LRRC37A2: variants seen among roughly 807,000 people sequenced by gnomAD.
The protein encoded by LRRC37A2 is leucine rich repeat containing 37 member A2.
In LRRC37A2, 9 loss-of-function variants were observed where a neutral mutation model predicts 68.8. The ratio of observed to expected loss-of-function variants is 0.13; its 90% CI spans 0.08 to 0.23. The LOEUF (loss-of-function observed/expected upper bound fraction) is 0.23. LRRC37A2 is among the 10% of genes least tolerant of loss of function. The probability of loss-of-function intolerance (pLI) is 1.00; values close to 1 mark genes in which losing one functional copy is unlikely to be tolerated. For synonymous variants in LRRC37A2, 63 were observed against 367.6 expected (o/e 0.17, Z 9.48); for missense variants, 168 against 950.4 (o/e 0.18, Z 10.82).
the LRRC37A2 span, among the ~76,000 whole-genome samples, chr17:46,679,941 G>T: frequency 6.9e-6 from 1 of 145,330 alleles, no homozygotes; most frequent in Non-Finnish European, 1.5e-5. Flanking sequence ...CCTAGGATTC[G>T]ATCTAGCAGG....
chr17:46,848,497 C>T, the LRRC37A2 span, among the ~76,000 whole-genome samples: 1 of 152,244 alleles, frequency 6.6e-6, no homozygotes, highest in Non-Finnish European at 1.5e-5. Context: ...TCATTTATGG[C>T]ACAGGCTGTA....
chr17:46,902,031 C>T, the LRRC37A2 span, among the ~76,000 whole-genome samples: 45 of 152,280 alleles, frequency 3.0e-4, no homozygotes, highest in African/African-American at 1.0e-3. Flanking sequence ...TGGTCTTAAA[C>T]TCCTGACCTC....
At chr17:46,941,279 G>T in the LRRC37A2 span, 5 of 985,862 alleles carry the variant, frequency 5.1e-6, no homozygotes, top group African/African-American at 8.7e-5. Flanking sequence ...GAATTTGAAT[G>T]GGTTTGATTT....
the LRRC37A2 span, among the ~76,000 whole-genome samples, chr17:46,993,293 C>T: frequency 0.031 from 4,688 of 152,280 alleles, 291 homozygotes; most frequent in East Asian, 0.22. Context: ...AGAGGCAGAT[C>T]CCAGGCTCAT....
the LRRC37A2 span, among the ~76,000 whole-genome samples, chr17:46,841,395 T>C: frequency 1.3e-5 from 2 of 152,140 alleles, no homozygotes. Flanking sequence ...AGGAAAGTCA[T>C]GCATCGATAT....
chr17:47,018,127 C>G, the LRRC37A2 span: 4 of 1,552,806 alleles, frequency 2.6e-6, no homozygotes, highest in Admixed American at 1.7e-5. Context: ...ACTTCAGAGC[C>G]TACCAATGAG....
intron 6 of LRRC37A2, among the ~76,000 whole-genome samples, chr17:46,534,641 C>T (rs2054304203): frequency 6.7e-6 from 1 of 148,726 alleles, no homozygotes; most frequent in Admixed American, 6.6e-5. Flanking sequence ...ATCTTTTCCC[C>T]ACATTTCCCC....
At chr17:47,017,758 C>A in the LRRC37A2 span, 1 of 1,610,700 alleles carries the variant, frequency 6.2e-7, no homozygotes, top group Admixed American at 1.7e-5. Context: ...AGTACAGATA[C>A]ACCGTATCCC....
At chr17:46,824,820 A>G in the LRRC37A2 span, among the ~76,000 whole-genome samples, 1 of 152,086 alleles carries the variant, frequency 6.6e-6, no homozygotes, top group African/African-American at 2.4e-5. Flanking sequence ...CCCTATCTTG[A>G]GTGGCCCTGG....
At chr17:46,961,398 G>A in the LRRC37A2 span, among the ~76,000 whole-genome samples, 1 of 152,238 alleles carries the variant, frequency 6.6e-6, no homozygotes, top group East Asian at 1.9e-4. Context: ...ACTGGAACAT[G>A]GTGGTGTGCA....
chr17:46,863,723 G>A, the LRRC37A2 span, among the ~76,000 whole-genome samples: 1 of 152,188 alleles, frequency 6.6e-6, no homozygotes, highest in African/African-American at 2.4e-5. Context: ...GGGTCGGACC[G>A]AGTTAGACAT....
At chr17:46,847,801 T>C in the LRRC37A2 span, among the ~76,000 whole-genome samples, 4 of 152,272 alleles carry the variant, frequency 2.6e-5, no homozygotes, top group South Asian at 2.1e-4. Context: ...ACAGGAGATA[T>C]GGAGCCAACC....
the LRRC37A2 span, among the ~76,000 whole-genome samples, chr17:47,032,779 T>G: frequency 1.2e-4 from 19 of 152,146 alleles, no homozygotes; most frequent in African/African-American, 4.3e-4. Context: ...GAAAGGCTCA[T>G]GTTCATTACT....
the LRRC37A2 span, among the ~76,000 whole-genome samples, chr17:46,961,675 G>T: frequency 6.6e-6 from 1 of 152,076 alleles, no homozygotes; most frequent in African/African-American, 2.4e-5. Context: ...TTTAAAAAAG[G>T]TCCAGCTGTA....
the LRRC37A2 span, chr17:46,940,951 C>T: frequency 8.0e-7 from 1 of 1,248,296 alleles, no homozygotes; most frequent in Non-Finnish European, 1.0e-6. Flanking sequence ...CAGTGTGACT[C>T]TCTCCACCGC....
At chr17:46,925,144 A>C in the LRRC37A2 span, among the ~76,000 whole-genome samples, 1 of 152,196 alleles carries the variant, frequency 6.6e-6, no homozygotes, top group Non-Finnish European at 1.5e-5. Flanking sequence ...ATTAAGGGCC[A>C]GATAGTAAAT....
the LRRC37A2 span, among the ~76,000 whole-genome samples, chr17:46,720,000 G>C: frequency 1.3e-5 from 2 of 152,144 alleles, no homozygotes; most frequent in Non-Finnish European, 2.9e-5. The surrounding 1 kb of genome is among the most constrained non-coding windows in gnomAD (Gnocchi z 4.3). Flanking sequence ...AATCTTCTTT[G>C]AATATCCTCC....
chr17:46,796,267 C>T, the LRRC37A2 span, among the ~76,000 whole-genome samples: 1 of 152,202 alleles, frequency 6.6e-6, no homozygotes, highest in Non-Finnish European at 1.5e-5. Context: ...GTCCCTGGCA[C>T]ATAGTAGGTG....
the LRRC37A2 span, among the ~76,000 whole-genome samples, chr17:46,802,059 T>A: frequency 6.6e-6 from 1 of 152,268 alleles, no homozygotes; most frequent in Non-Finnish European, 1.5e-5. Flanking sequence ...TGCTCGCCTG[T>A]ACGCATGTTT....
Sources: allele counts gnomAD v4.1 joint callset (sites outside exome capture counted in the v4.1 genomes callset), GRCh38; gene constraint gnomAD v4.1.1; non-coding constraint Gnocchi (gnomAD v3.1); transcripts MANE v1.5; gene names NCBI Gene and HGNC (gene_info 2026-07-23, HGNC 2026-07-21).